Variants in MORC1 observed in about 807,000 individuals in gnomAD.
MORC1 encodes the protein MORC family CW-type zinc finger protein 1.
A neutral mutation model predicts 134.9 loss-of-function variants in MORC1; 59 were observed. The ratio of observed to expected loss-of-function variants is 0.44; its 90% CI spans 0.35 to 0.54. MORC1 has a LOEUF of 0.54. Ranked by LOEUF, MORC1 falls within the 20% of genes least tolerant of loss-of-function variation. The probability of loss-of-function intolerance (pLI) is 0.00; values close to 1 mark genes in which losing one functional copy is unlikely to be tolerated. For missense variants in MORC1, 947 were observed against 1,134.5 expected, an observed-to-expected ratio of 0.83 and a Z score of 2.37; for synonymous variants, 395 against 391.7, an observed-to-expected ratio of 1.01 and a Z score of -0.10.
chr3:109,039,162 C>G (rs981666681), intron 14 of MORC1, among the ~76,000 whole-genome samples: 2 of 152,122 alleles, frequency 1.3e-5, no homozygotes, highest in East Asian at 3.9e-4. Flanking sequence ...GTGATCCACC[C>G]GCCTCAGCCT....
intron 24 of MORC1, among the ~76,000 whole-genome samples, chr3:108,975,759 AT>A (rs1216573027): frequency 1.3e-5 from 2 of 152,094 alleles, no homozygotes; most frequent in African/African-American, 4.8e-5. Context: ...AATATGTATT[AT>A]TACTAATATT....
At chr3:109,062,242 G>A (rs984512126) in intron 10 of MORC1, among the ~76,000 whole-genome samples, 184 bp from the exon 11 acceptor site, 1 of 151,946 alleles carries the variant, frequency 6.6e-6, no homozygotes, top group South Asian at 2.1e-4. Context: ...GTTTCATTTA[G>A]GTATGACAAT....
At chr3:109,081,531 C>A (rs1398313442) in intron 8 of MORC1, among the ~76,000 whole-genome samples, 3 of 150,162 alleles carry the variant, frequency 2.0e-5, no homozygotes, top group African/African-American at 7.4e-5. Flanking sequence ...TCTTGGCTCA[C>A]TGCAACCTCC....
intron 17 of MORC1, among the ~76,000 whole-genome samples, chr3:109,014,200 C>G (rs891345193): frequency 6.6e-6 from 1 of 152,094 alleles, no homozygotes; most frequent in African/African-American, 2.4e-5. Context: ...ACCAAAAGTC[C>G]CCTATAACAC....
chr3:109,110,088 A>C (rs371864698), intron 3 of MORC1: 1 of 152,170 alleles, frequency 6.6e-6, no homozygotes, highest in Non-Finnish European at 1.5e-5. Flanking sequence ...GACTCAGAAC[A>C]CTCAGTTAAC....
At chr3:109,034,851 C>T (rs1040254575) in intron 15 of MORC1, among the ~76,000 whole-genome samples, 2 of 152,086 alleles carry the variant, frequency 1.3e-5, no homozygotes, top group African/African-American at 2.4e-5. Context: ...CAGGCTCAAG[C>T]GATCCTCCCA....
At chr3:108,998,862 G>GT (rs1280002034) in intron 21 of MORC1, among the ~76,000 whole-genome samples, 1 of 152,150 alleles carries the variant, frequency 6.6e-6, no homozygotes. Context: ...CACAAGTAAT[G>GT]TAAGAACTTG....
intron 16 of MORC1, among the ~76,000 whole-genome samples, chr3:109,028,886 G>T (rs1271283989): frequency 6.6e-6 from 1 of 152,086 alleles, no homozygotes; most frequent in African/African-American, 2.4e-5. Flanking sequence ...GCCCACTCTA[G>T]GTCACAGAGT....
intron 18 of MORC1, 99 bp from the exon 19 acceptor site, chr3:109,005,414 T>C: frequency 3.5e-6 from 4 of 1,145,094 alleles, no homozygotes; most frequent in Non-Finnish European, 4.7e-6. Flanking sequence ...GTATTTCTTA[T>C]TACTACTAAA....
At chr3:109,068,341 T>G (rs1576705216) in intron 9 of MORC1, among the ~76,000 whole-genome samples, 1 of 152,166 alleles carries the variant, frequency 6.6e-6, no homozygotes, top group East Asian at 1.9e-4. Flanking sequence ...TATGTTGTCT[T>G]TTATCCCTTG....
intron 14 of MORC1, among the ~76,000 whole-genome samples, chr3:109,049,624 A>C (rs1257222279): frequency 1.3e-5 from 2 of 152,258 alleles, no homozygotes; most frequent in Non-Finnish European, 2.9e-5. Flanking sequence ...ATGATTCTAC[A>C]CTAGGGCTCA....
chr3:109,064,281 A>C (rs1950148895), intron 9 of MORC1, among the ~76,000 whole-genome samples: 2 of 152,104 alleles, frequency 1.3e-5, no homozygotes, highest in South Asian at 4.1e-4. Context: ...GCTTTTGGTT[A>C]TTTGATTTTT....
chr3:108,965,319 A>C (rs2715754), intron 26 of MORC1, among the ~76,000 whole-genome samples: 52,582 of 152,082 alleles, frequency 0.35, 9,510 homozygotes, highest in Middle Eastern at 0.49. Flanking sequence ...TAGTATTGCT[A>C]ATCAGCCATC....
intron 17 of MORC1, among the ~76,000 whole-genome samples, chr3:109,012,095 T>C (rs1458027673): frequency 1.3e-5 from 2 of 152,238 alleles, no homozygotes; most frequent in Non-Finnish European, 2.9e-5. Flanking sequence ...TTTAGCCCTA[T>C]GATCTATTTC....
At chr3:109,064,270 G>A (rs1950148587) in intron 9 of MORC1, among the ~76,000 whole-genome samples, 1 of 151,820 alleles carries the variant, frequency 6.6e-6, no homozygotes, top group Non-Finnish European at 1.5e-5. Flanking sequence ...TGGTAAAAGG[G>A]GCTTTTGGTT....
At chr3:109,107,136 A>G (rs1344233844) in intron 3 of MORC1, among the ~76,000 whole-genome samples, 1 of 151,906 alleles carries the variant, frequency 6.6e-6, no homozygotes, top group Non-Finnish European at 1.5e-5. Context: ...TCCACGCTTC[A>G]CTCACCAGGC....
At chr3:109,081,052 T>A (rs1167258354) in intron 8 of MORC1, among the ~76,000 whole-genome samples, 1 of 152,006 alleles carries the variant, frequency 6.6e-6, no homozygotes, top group African/African-American at 2.4e-5. Context: ...TCAAAAACAA[T>A]CAAGATAGAT....
chr3:109,108,883 G>A (rs1159715119), intron 3 of MORC1, among the ~76,000 whole-genome samples: 3 of 140,694 alleles, frequency 2.1e-5, no homozygotes, highest in Non-Finnish European at 4.6e-5. Flanking sequence ...CTGGGCGACA[G>A]AGCGAGACTC....
chr3:109,038,688 A>C (rs1431207285), intron 14 of MORC1, among the ~76,000 whole-genome samples: 2 of 152,182 alleles, frequency 1.3e-5, no homozygotes, highest in Non-Finnish European at 2.9e-5. Flanking sequence ...TATTTATTAA[A>C]TAGGGAATCC....
Sources: gnomAD v4.1 joint callset for allele counts (sites outside exome capture counted in the v4.1 genomes callset) on GRCh38, gnomAD v4.1.1 for gene constraint, MANE v1.5 for transcripts, NCBI Gene and HGNC (gene_info 2026-07-23, HGNC 2026-07-21) for gene names.